Variants in DOCK5 observed in about 807,000 individuals in gnomAD.
DOCK5 encodes dedicator of cytokinesis 5.
DOCK5 carries 142 observed loss-of-function variants against 251.8 expected under a neutral mutation model. That is an observed-to-expected ratio of 0.56 (90% CI 0.49 to 0.65). DOCK5 has a LOEUF of 0.65. Among genes scored for constraint, DOCK5 ranks in the 30% least tolerant of loss-of-function variants. The probability of loss-of-function intolerance (pLI) is 0.00; values close to 1 mark genes in which losing one functional copy is unlikely to be tolerated. For synonymous variants in DOCK5, 842 were observed against 835.5 expected, an observed-to-expected ratio of 1.01 and a Z score of -0.13; for missense variants, 2,111 against 2,312.3, an observed-to-expected ratio of 0.91 and a Z score of 1.79.
At chr8:25,329,042 A>T (rs1053710122) in intron 18 of DOCK5, among the ~76,000 whole-genome samples, 7 of 152,108 alleles carry the variant, frequency 4.6e-5, no homozygotes, top group African/African-American at 1.7e-4. Context: ...AGTCTCCAAG[A>T]TCTGTTTGTT....
At chr8:25,235,451 G>T (rs986968391) in intron 1 of DOCK5, among the ~76,000 whole-genome samples, 1 of 152,062 alleles carries the variant, frequency 6.6e-6, no homozygotes, top group African/African-American at 2.4e-5. Context: ...TTGAGACAGG[G>T]TCTCCCTATG....
At chr8:25,397,559 A>G (rs1417615417) in intron 45 of DOCK5, among the ~76,000 whole-genome samples, 1 of 152,258 alleles carries the variant, frequency 6.6e-6, no homozygotes, top group Non-Finnish European at 1.5e-5. Context: ...GTTAGGTGCC[A>G]TAATAATATC....
chr8:25,392,291 G>A (rs139239336), intron 43 of DOCK5, among the ~76,000 whole-genome samples: 60 of 142,768 alleles, frequency 4.2e-4, no homozygotes, highest in South Asian at 2.2e-3. Context: ...GCGACAGAGC[G>A]AGACTTCGTC....
chr8:25,186,467 A>G (rs1801434848), intron 1 of DOCK5, among the ~76,000 whole-genome samples: 1 of 151,024 alleles, frequency 6.6e-6, no homozygotes, highest in South Asian at 2.1e-4. Flanking sequence ...CTCCACCTCT[A>G]GGTTCCAGCA....
chr8:25,381,268 A>G (rs1801062625), intron 39 of DOCK5, among the ~76,000 whole-genome samples: 1 of 152,340 alleles, frequency 6.6e-6, no homozygotes, highest in South Asian at 2.1e-4. Flanking sequence ...ATCACTTTGT[A>G]AAAAGTTTAC....
rs1360693412 is a variant in DOCK5 at position 25,254,778 on chromosome 8, AAAAACAAAACAAAAC to A, written c.127+11026_127+11040del. On this transcript the variant is annotated intron_variant, in intron 2 of 51. Transcript: ENST00000276440. Reference sequence around the variant, plus strand: ...GACAAAGCAAGACTTTGTCTCAAAAAAAAACAAAACAAAACAAAAAAAAAAAACATTTGATAAAGG... The same window carrying A: ...GACAAAGCAAGACTTTGTCTCAAAAAAAAAAAAAAAAACATTTGATAAAGG... 1.1e-3 allele frequency among the ~76,000 whole-genome samples: 142 copies of A among 129,020 alleles called. 42 individuals carry two copies. In the East Asian group the frequency reaches 0.024, roughly 21 times the overall value. 84.6% of individuals were successfully genotyped at this position (129,020 alleles called of 152,430 possible). A position where few individuals can be genotyped will look rare whatever the true frequency, so the allele number is the denominator to read the frequency against.
In DOCK5 at chr8:25,317,103, T is replaced by C; in HGVS notation, c.1415T>C (p.Val472Ala). 6.2e-7 allele frequency: 1 copy of C among 1,613,920 alleles called. No individual in the cohort carries two copies. The highest frequency in any genetic ancestry group is 8.5e-7 in the Non-Finnish European group (1 of 1,179,842). The change falls in exon 14 of 52, where the codon GTG becomes GCG. Residue 472 changes from valine to alanine, a missense_variant. Around this residue, in one of 3 missense-constraint regions of DOCK5, gnomAD observed 1,717 missense variants for 1,892.4 expected, o/e 0.91. Transcript: ENST00000276440. ...AAGAATGTGGAGGTGACGATGTCTG[T>C]GCACGATGAGGAGGGCAAGCTCTTG... ...TPKNVEVTMS[V>A]HDEEGKLLEK...
chr8:25,306,861 G>C (rs1586314483), intron 11 of DOCK5, among the ~76,000 whole-genome samples: 1 of 152,226 alleles, frequency 6.6e-6, no homozygotes, highest in East Asian at 1.9e-4. Flanking sequence ...TCTTGTCATT[G>C]TGTAGACAAC....
Position 25,278,606 on chromosome 8 carries a change from G to T in DOCK5, c.262G>T (p.Val88Leu). 1.2e-6 allele frequency: 2 copies of T among 1,613,932 alleles called. No individual in the cohort carries two copies. Among genetic ancestry groups the T allele is most frequent in the Non-Finnish European group, 1.7e-6 (2 of 1,179,874 alleles). ...ETVIPGELPL[V>L]QELTSTLREW... ...CGTGATTCCTGGCGAGCTCCCCCTG[G>T]TGCAGGAGCTCACGTCCACTCTGCG... is the stretch of plus-strand genomic sequence containing the variant. Residue 88 changes from valine (V) to leucine (L), a missense_variant, in exon 5 of 52, where the codon GTG becomes TTG. This residue lies in a region of DOCK5 where 335 missense variants were observed against 324.9 expected (regional missense o/e 1.03). Coordinates refer to ENST00000276440, the MANE Select transcript of DOCK5 (RefSeq NM_024940.8).
chr8:25,220,344 G>A (rs574256354), intron 1 of DOCK5, among the ~76,000 whole-genome samples: 8 of 152,188 alleles, frequency 5.3e-5, no homozygotes, highest in East Asian at 1.9e-4. Context: ...GCATGTTGAC[G>A]GGTGGACTTC....
chr8:25,368,671 C>T lies in DOCK5; in HGVS notation c.3384C>T (p.Phe1128=). ...VELRKATIPI[F]FDMMQCEFNF... is the part of the protein sequence containing the mutation. ...TCCGGAAAGCCACAATCCCCATTTTCTTTGATATGATGCAGTGTGAGTTCA... is the reference window on the plus strand; with the variant it reads ...TCCGGAAAGCCACAATCCCCATTTTTTTTGATATGATGCAGTGTGAGTTCA... The change falls in exon 33 of 52, where the codon TTC becomes TTT. Residue 1128 remains phenylalanine, a synonymous_variant. Transcript: ENST00000276440. The T allele has an allele frequency of 6.2e-7, 1 of 1,613,860 alleles. No individual in the cohort carries two copies. Among genetic ancestry groups the T allele is most frequent in the Non-Finnish European group, 8.5e-7 (1 of 1,179,854 alleles).
intron 26 of DOCK5, among the ~76,000 whole-genome samples, chr8:25,347,614 T>A (rs1020166088): frequency 1.3e-5 from 2 of 152,326 alleles, no homozygotes; most frequent in East Asian, 3.9e-4. Context: ...CCCTATAAAT[T>A]TGGCAGCAAT....
At chr8:25,398,910 C>T (rs773412319) in intron 45 of DOCK5, among the ~76,000 whole-genome samples, 1 of 152,134 alleles carries the variant, frequency 6.6e-6, no homozygotes, top group Non-Finnish European at 1.5e-5. Flanking sequence ...AATGTCTGCT[C>T]GCAAGATAGG....
At chr8:25,298,058 T>TAA (rs145331060) in intron 7 of DOCK5, among the ~76,000 whole-genome samples, 26 of 125,888 alleles carry the variant, frequency 2.1e-4, no homozygotes, top group Admixed American at 3.3e-4. Flanking sequence ...CCCTGCCTCT[T>TAA]AAAAAAAAAA....
At chr8:25,204,975 A>T (rs1301786729) in intron 1 of DOCK5, among the ~76,000 whole-genome samples, 1 of 152,134 alleles carries the variant, frequency 6.6e-6, no homozygotes. Context: ...CCTGGGAGAT[A>T]ATTAGGTTTA....
chr8:25,243,670 C>T lies in DOCK5; in HGVS notation c.44-4C>T. ...AATTTCCCTTTTTTATTTCTCATTT[C>T]CAGCGATCTATAACTACAATGCTTC... On this transcript the variant is annotated splice_region_variant and splice_polypyrimidine_tract_variant and intron_variant, in intron 1 of 51. Coordinates refer to ENST00000276440, the MANE Select transcript of DOCK5 (RefSeq NM_024940.8). 6.2e-7 allele frequency: 1 copy of T among 1,612,598 alleles called. No individual in the cohort carries two copies. Among genetic ancestry groups the T allele is most frequent in the Non-Finnish European group, 8.5e-7 (1 of 1,179,208 alleles).
At chr8:25,407,946 A>G (rs377490375) in intron 48 of DOCK5, 37 bp from the exon 49 acceptor site, 1 of 1,569,988 alleles carries the variant, frequency 6.4e-7, no homozygotes, top group African/African-American at 1.4e-5. Flanking sequence ...CAAGGTGATC[A>G]GTATTTGTGA....
At chr8:25,309,028 A>G in intron 12 of DOCK5, 103 bp downstream of exon 12, 2 of 1,458,452 alleles carry the variant, frequency 1.4e-6, no homozygotes, top group Non-Finnish European at 1.8e-6. Flanking sequence ...TCTGATACAA[A>G]ACAGCCTCTG....
rs1452741016 is a variant in DOCK5 at position 25,374,861 on chromosome 8, TAGAA to T, written c.3816+210_3816+213del. 7.9e-6 allele frequency: 11 copies of T among 1,399,896 alleles called. No individual in the cohort carries two copies. In the African/African-American group the frequency reaches 8.7e-5, roughly 11 times the overall value. The allele number at this position is 1,399,896 out of a possible 1,614,324, so 86.7% of individuals were successfully genotyped here. On this transcript the variant is annotated intron_variant, in intron 37 of 51. Coordinates refer to ENST00000276440, the MANE Select transcript of DOCK5 (RefSeq NM_024940.8). ...CAGTTATCTTTTATTTAAAAATCCTTAGAAAGCAGAGCACGACTTATGAACCTTT... is the reference window on the plus strand; with the variant it reads ...CAGTTATCTTTTATTTAAAAATCCTTAGCAGAGCACGACTTATGAACCTTT...
Sources: gnomAD v4.1 joint callset for allele counts (sites outside exome capture counted in the v4.1 genomes callset) on GRCh38, gnomAD v4.1.1 for gene constraint, gnomAD v4.1.1 regional missense constraint, MANE v1.5 for transcripts, NCBI Gene and HGNC (gene_info 2026-07-23, HGNC 2026-07-21) for gene names.